ZNF385D: variants seen among roughly 807,000 people sequenced by gnomAD.
ZNF385D encodes zinc finger protein 385D.
A neutral mutation model predicts 35.8 loss-of-function variants in ZNF385D; 15 were observed. That is an observed-to-expected ratio of 0.42 (90% CI 0.28 to 0.64). The LOEUF is 0.64. ZNF385D is among the 30% of genes least tolerant of loss of function. The pLI is 0.23. For missense variants in ZNF385D, 474 were observed against 494.6 expected (o/e 0.96, Z 0.39); for synonymous variants, 212 against 186.8 (o/e 1.13, Z -1.10).
chr3:22,111,151 G>GTTTTT (rs1702497712), intron 3 of ZNF385D, among the ~76,000 whole-genome samples: 1 of 102,458 alleles, frequency 9.8e-6, no homozygotes, highest in Non-Finnish European at 1.9e-5. Context: ...CTCCATGTTG[G>GTTTTT]ATTTTTTTTT....
intron 2 of ZNF385D, among the ~76,000 whole-genome samples, chr3:22,232,309 G>T (rs980386852): frequency 7.5e-6 from 1 of 133,268 alleles, no homozygotes; most frequent in African/African-American, 3.5e-5. Context: ...TAATGAAATT[G>T]TATGATTACA....
chr3:21,514,323 A>G (rs375724850), intron 3 of ZNF385D, among the ~76,000 whole-genome samples: 6 of 152,306 alleles, frequency 3.9e-5, no homozygotes, highest in African/African-American at 7.2e-5. Context: ...GTATTTCAGA[A>G]TTTTGTATTT....
At chr3:21,494,308 G>A (rs1438040925) in intron 4 of ZNF385D, among the ~76,000 whole-genome samples, 1 of 152,102 alleles carries the variant, frequency 6.6e-6, no homozygotes, top group East Asian at 1.9e-4. Context: ...TAAACTGTAG[G>A]CAGGCACATT....
At chr3:21,717,936 G>A (rs186237452) in intron 1 of ZNF385D, among the ~76,000 whole-genome samples, 21 of 152,194 alleles carry the variant, frequency 1.4e-4, no homozygotes, top group African/African-American at 3.4e-4. Context: ...TCAAATTCTC[G>A]TCTGCATCAG....
intron 3 of ZNF385D, among the ~76,000 whole-genome samples, chr3:21,810,971 C>CGTGTGTGTGT (rs139624741): frequency 7.6e-5 from 11 of 144,380 alleles, no homozygotes; most frequent in African/African-American, 2.8e-4. Context: ...TGTGTGTATA[C>CGTGTGTGTGT]GTGTGTGTGT....
chr3:22,035,022 T>G (rs552513315), intron 3 of ZNF385D, among the ~76,000 whole-genome samples: 1 of 152,302 alleles, frequency 6.6e-6, no homozygotes, highest in Non-Finnish European at 1.5e-5. Flanking sequence ...ATAAAATTTG[T>G]ACATAAAGTC....
intron 3 of ZNF385D, among the ~76,000 whole-genome samples, chr3:22,079,553 T>C (rs992497567): frequency 2.0e-5 from 3 of 151,922 alleles, no homozygotes; most frequent in African/African-American, 2.4e-5. Flanking sequence ...AACAAAAAAG[T>C]TCCCTCACCA....
Position 21,593,912 on chromosome 3 carries a change from A to G in ZNF385D, c.166-29228T>C, listed in dbSNP as rs78488453. On this transcript the variant is annotated intron_variant, in intron 2 of 7. Transcript: ENST00000281523. ...TTCTGATGGATTTATCCCACCACAAAGACCCAACTTCACTGCTGCTTCCTG... is the reference window on the plus strand; with the variant it reads ...TTCTGATGGATTTATCCCACCACAAGGACCCAACTTCACTGCTGCTTCCTG... Among the ~76,000 whole-genome samples the G allele has an allele frequency of 2.0e-5, 3 of 152,270 alleles. No individual in the cohort carries two copies. The East Asian group carries it at 5.8e-4, about 30-fold the overall frequency.
intron 1 of ZNF385D, among the ~76,000 whole-genome samples, chr3:21,729,999 C>A (rs960907798): frequency 1.3e-5 from 2 of 152,176 alleles, no homozygotes; most frequent in Non-Finnish European, 2.9e-5. Flanking sequence ...ACACTCCCTG[C>A]TAAATAATAG....
intron 3 of ZNF385D, among the ~76,000 whole-genome samples, chr3:22,023,594 A>G (rs552222512): frequency 1.3e-5 from 2 of 152,144 alleles, no homozygotes; most frequent in African/African-American, 2.4e-5. Context: ...GCTGAGATCA[A>G]ATGGAGAGAA....
chr3:22,160,899 G>C (rs888762196), intron 3 of ZNF385D, among the ~76,000 whole-genome samples: 2 of 152,058 alleles, frequency 1.3e-5, no homozygotes, highest in African/African-American at 4.8e-5. Context: ...ACTATGTTGA[G>C]CACATGAAAC....
At chr3:21,848,538 G>A (rs1447886079) in intron 3 of ZNF385D, among the ~76,000 whole-genome samples, 1 of 151,816 alleles carries the variant, frequency 6.6e-6, no homozygotes, top group African/African-American at 2.4e-5. Context: ...AGTAATATCA[G>A]AAGTAAAAAG....
intron 2 of ZNF385D, among the ~76,000 whole-genome samples, chr3:21,578,770 G>C (rs1057352294): frequency 6.6e-6 from 1 of 152,090 alleles, no homozygotes; most frequent in Non-Finnish European, 1.5e-5. Context: ...GTAGTGTAAC[G>C]CCTCCAGCTT....
At chr3:21,739,586 C>T (rs1192672265) in intron 1 of ZNF385D, among the ~76,000 whole-genome samples, 7 of 152,074 alleles carry the variant, frequency 4.6e-5, no homozygotes, top group East Asian at 3.9e-4. Context: ...CCCTAAGCAG[C>T]GAACAAAAAA....
chr3:21,950,443 G>A (rs894451914), intron 3 of ZNF385D, among the ~76,000 whole-genome samples: 61 of 151,800 alleles, frequency 4.0e-4, no homozygotes, highest in African/African-American at 1.4e-3. Context: ...TGTAGATTCT[G>A]GATATTAGCC....
At chr3:22,321,168 T>TG (rs1168863334) in intron 2 of ZNF385D, among the ~76,000 whole-genome samples, 1 of 147,768 alleles carries the variant, frequency 6.8e-6, no homozygotes, top group African/African-American at 2.5e-5. Flanking sequence ...GACCTTGTTT[T>TG]TTTTTTTTTT....
chr3:21,670,051 A>C (rs1266724562), intron 1 of ZNF385D, among the ~76,000 whole-genome samples: 1 of 152,114 alleles, frequency 6.6e-6, no homozygotes, highest in East Asian at 1.9e-4. Context: ...TCATTTCCCC[A>C]GGTGACAAAA....
At chr3:21,733,650 TA>T (rs1298183183) in intron 1 of ZNF385D, among the ~76,000 whole-genome samples, 4 of 152,210 alleles carry the variant, frequency 2.6e-5, no homozygotes, top group African/African-American at 9.6e-5. Flanking sequence ...GTGTCCTGAT[TA>T]CAAAGACTTT....
intron 3 of ZNF385D, among the ~76,000 whole-genome samples, chr3:22,040,474 C>T (rs115439074): frequency 6.6e-6 from 1 of 152,076 alleles, no homozygotes; most frequent in Non-Finnish European, 1.5e-5. Flanking sequence ...AGGCTACAGT[C>T]CTGATGGGTG....
Sources: gnomAD v4.1 joint callset for allele counts (sites outside exome capture counted in the v4.1 genomes callset) on GRCh38, gnomAD v4.1.1 for gene constraint, MANE v1.5 for transcripts, NCBI Gene and HGNC (gene_info 2026-07-23, HGNC 2026-07-21) for gene names.